CACNB2: variants seen among roughly 807,000 people sequenced by gnomAD.
The protein encoded by CACNB2 is calcium voltage-gated channel auxiliary subunit beta 2, also known as voltage-dependent L-type calcium channel subunit beta-2.
CACNB2 carries 42 observed loss-of-function variants against 73.3 expected under a neutral mutation model. The observed-to-expected ratio is 0.57, with a 90% confidence interval of 0.45 to 0.74. The LOEUF is 0.74. Among genes scored for constraint, CACNB2 ranks in the 30% least tolerant of loss-of-function variants. The pLI is 0.00. For synonymous variants in CACNB2, 348 were observed against 310.3 expected (o/e 1.12, Z -1.28); for missense variants, 940 against 853.0 (o/e 1.10, Z -1.27).
rs925617857 is a variant in CACNB2, at chr10:18,532,357, G to A, written c.1055-1719G>A. ...TATCCATATATGTAATATATTTTAA[G>A]GCTATCCAGGTTTTATACAATCAGC... On this transcript the variant is annotated intron_variant, in intron 10 of 13. Transcript: ENST00000324631. Among the ~76,000 whole-genome samples, 4 of 151,828 alleles carry A rather than the reference G, an allele frequency of 2.6e-5. No homozygotes were observed. In the South Asian group the frequency reaches 6.2e-4, roughly 24 times the overall value.
chr10:18,449,240 C>T (rs1202742717), intron 3 of CACNB2, among the ~76,000 whole-genome samples: 1 of 152,106 alleles, frequency 6.6e-6, no homozygotes, highest in East Asian at 1.9e-4. Flanking sequence ...AAAAAATTAG[C>T]CGGGCGTGGT....
At chr10:18,161,788 G>A (rs1455862616) in intron 2 of CACNB2, among the ~76,000 whole-genome samples, 2 of 152,008 alleles carry the variant, frequency 1.3e-5, no homozygotes, top group Non-Finnish European at 2.9e-5. Context: ...AATTAGCCGG[G>A]CATGGTGGTG....
At chr10:18,218,696 C>T (rs1052697686) in intron 2 of CACNB2, among the ~76,000 whole-genome samples, 32 of 151,842 alleles carry the variant, frequency 2.1e-4, no homozygotes, top group Non-Finnish European at 2.6e-4. Flanking sequence ...AGTGAAACCC[C>T]GTCTCTACTA....
chr10:18,491,177 A>G (rs948804937), intron 3 of CACNB2, among the ~76,000 whole-genome samples: 1 of 152,250 alleles, frequency 6.6e-6, no homozygotes, highest in African/African-American at 2.4e-5. Flanking sequence ...ACTGGCCTCA[A>G]ACATTCATAT....
At chr10:18,343,426 G>C (rs781264251) in intron 2 of CACNB2, among the ~76,000 whole-genome samples, 5 of 152,094 alleles carry the variant, frequency 3.3e-5, no homozygotes, top group Admixed American at 6.6e-5. Flanking sequence ...CTAAATAATG[G>C]TGTGATTTGG....
chr10:18,259,628 G>A (rs549283842), intron 2 of CACNB2, among the ~76,000 whole-genome samples: 2 of 151,002 alleles, frequency 1.3e-5, no homozygotes, highest in Non-Finnish European at 2.9e-5. Context: ...CTACTCAGGA[G>A]TCTGAGGCAG....
intron 2 of CACNB2, among the ~76,000 whole-genome samples, chr10:18,163,070 G>A (rs529991467): frequency 6.6e-6 from 1 of 152,196 alleles, no homozygotes; most frequent in East Asian, 1.9e-4. Context: ...TGTGCCGGAG[G>A]GGATGAAAGG....
At chr10:18,437,650 C>A (rs762017158) in intron 3 of CACNB2, among the ~76,000 whole-genome samples, 1 of 152,140 alleles carries the variant, frequency 6.6e-6, no homozygotes, top group African/African-American at 2.4e-5. Context: ...TGTCTGTATT[C>A]TGAGGAAGAA....
chr10:18,478,870 C>G (rs2048575486), intron 3 of CACNB2, among the ~76,000 whole-genome samples: 1 of 152,086 alleles, frequency 6.6e-6, no homozygotes, highest in Non-Finnish European at 1.5e-5. Context: ...CCTCTGGGTC[C>G]TGGGCAGATA....
At chr10:18,180,305 C>T (rs2033808102) in intron 2 of CACNB2, among the ~76,000 whole-genome samples, 1 of 152,118 alleles carries the variant, frequency 6.6e-6, no homozygotes, top group Non-Finnish European at 1.5e-5. Context: ...GGGCCATCTT[C>T]CCAGATGGAA....
chr10:18,480,144 A>G (rs968057275), intron 3 of CACNB2, among the ~76,000 whole-genome samples: 2 of 152,214 alleles, frequency 1.3e-5, no homozygotes, highest in Admixed American at 6.6e-5. Context: ...GAGAGAAACA[A>G]TCCTCAAATA....
intron 2 of CACNB2, among the ~76,000 whole-genome samples, chr10:18,397,720 CAAAAA>C (rs10581390): frequency 1.9e-3 from 178 of 91,732 alleles, no homozygotes; most frequent in East Asian, 0.011. Context: ...GACTCCGTCT[CAAAAA>C]AAAAAAAAAA....
chr10:18,295,998 GTTTTTTTTTTTTTTTT>G (rs34043231), intron 2 of CACNB2, among the ~76,000 whole-genome samples: 1 of 60,760 alleles, frequency 1.6e-5, no homozygotes, highest in Non-Finnish European at 2.9e-5. Context: ...CTTTTTGCGT[GTTTTTTTTTTTTTTTT>G]TTTTTTTTTT....
chr10:18,264,090 A>C (rs2037679106), intron 2 of CACNB2, among the ~76,000 whole-genome samples: 1 of 152,218 alleles, frequency 6.6e-6, no homozygotes, highest in Non-Finnish European at 1.5e-5. Context: ...CTCTGTGTGC[A>C]TTTCTGTGAA....
At chr10:18,432,632 C>G (rs1201319177) in intron 3 of CACNB2, among the ~76,000 whole-genome samples, 1 of 152,070 alleles carries the variant, frequency 6.6e-6, no homozygotes, top group African/African-American at 2.4e-5. Flanking sequence ...TCAGGAGTTC[C>G]AGACCAGCCT....
intron 2 of CACNB2, among the ~76,000 whole-genome samples, chr10:18,199,336 C>CA (rs2034769249): frequency 6.6e-6 from 1 of 152,070 alleles, no homozygotes; most frequent in African/African-American, 2.4e-5. Flanking sequence ...AATAAAATGT[C>CA]ATGTAATGCC....
At chr10:18,534,311 G>GTAAT in intron 11 of CACNB2, 84 bp downstream of exon 11, 1 of 1,142,280 alleles carries the variant, frequency 8.8e-7, no homozygotes, top group Admixed American at 1.7e-5. Flanking sequence ...TTAGGCTATT[G>GTAAT]TAATAGCCTT....
intron 5 of CACNB2, among the ~76,000 whole-genome samples, chr10:18,505,555 G>A (rs574569419): frequency 6.6e-6 from 1 of 152,116 alleles, no homozygotes; most frequent in East Asian, 1.9e-4. Context: ...AGTAAATATT[G>A]CCCTTTGATG....
chr10:18,476,143 G>A (rs150738861), intron 3 of CACNB2, among the ~76,000 whole-genome samples: 2 of 152,262 alleles, frequency 1.3e-5, no homozygotes, highest in Non-Finnish European at 2.9e-5. Flanking sequence ...GAAACTGAGG[G>A]TTCCTCCCCC....
Sources: allele counts gnomAD v4.1 joint callset (sites outside exome capture counted in the v4.1 genomes callset), GRCh38; gene constraint gnomAD v4.1.1; transcripts MANE v1.5; gene names NCBI Gene and HGNC (gene_info 2026-07-23, HGNC 2026-07-21).